EML1: variants seen among roughly 807,000 people sequenced by gnomAD.
The protein encoded by EML1 is EMAP like 1.
A neutral mutation model predicts 110.4 loss-of-function variants in EML1; 27 were observed. The ratio of observed to expected loss-of-function variants is 0.24; its 90% confidence interval spans 0.18 to 0.34. The LOEUF (loss-of-function observed/expected upper bound fraction) is 0.34. Ranked by LOEUF, EML1 falls within the 10% of genes least tolerant of loss-of-function variation. The pLI is 1.00. For missense variants in EML1, 741 were observed against 1,030.9 expected (o/e 0.72, Z 3.85); for synonymous variants, 344 against 385.8 (o/e 0.89, Z 1.27).
chr14:99,854,088 T>A (rs2058859933), intron 2 of EML1, among the ~76,000 whole-genome samples: 1 of 152,214 alleles, frequency 6.6e-6, no homozygotes, highest in African/African-American at 2.4e-5. Flanking sequence ...TGCCCAATGC[T>A]GGGCGTGGCT....
chr14:99,806,553 T>A (rs1291469013), intron 1 of EML1, among the ~76,000 whole-genome samples: 1 of 152,084 alleles, frequency 6.6e-6, no homozygotes, highest in Non-Finnish European at 1.5e-5. Flanking sequence ...CAACCTCAGG[T>A]GATCTGCCCA....
At chr14:99,744,020 C>T (rs1389315745) in intron 1 of EML1, among the ~76,000 whole-genome samples, 1 of 152,046 alleles carries the variant, frequency 6.6e-6, no homozygotes, top group Non-Finnish European at 1.5e-5. Flanking sequence ...ATATAGAAAC[C>T]AGTTGCTGAG....
intron 20 of EML1, among the ~76,000 whole-genome samples, chr14:99,938,490 C>T (rs2060514765): frequency 6.6e-6 from 1 of 152,246 alleles, no homozygotes; most frequent in Non-Finnish European, 1.5e-5. Flanking sequence ...ACCCAACGTG[C>T]ATCCAGCCCT....
chr14:99,803,076 A>G (rs918326112), intron 1 of EML1, among the ~76,000 whole-genome samples: 1 of 152,056 alleles, frequency 6.6e-6, no homozygotes, highest in African/African-American at 2.4e-5. Context: ...TCAGTCTCCC[A>G]TTAGATATAA....
At chr14:99,737,765 G>C (rs2056986046) in exon 1 of EML1, 1 of 1,285,016 alleles carries the variant, frequency 7.8e-7, no homozygotes, top group Non-Finnish European at 1.0e-6. Flanking sequence ...TGCTGGGTGG[G>C]TGACAGCCGC....
intron 1 of EML1, among the ~76,000 whole-genome samples, chr14:99,814,941 A>C (rs1356773761): frequency 6.6e-6 from 1 of 152,194 alleles, no homozygotes; most frequent in African/African-American, 2.4e-5. Context: ...CAGATAGAAC[A>C]GCTGAGCTCA....
upstream of EML1, among the ~76,000 whole-genome samples, chr14:99,770,438 C>A (rs575621758): frequency 6.8e-6 from 1 of 148,006 alleles, no homozygotes; most frequent in South Asian, 2.1e-4. Context: ...GAAGAGAGAT[C>A]ATGTCTTTTT....
Position 99,850,367 on chromosome 14 carries a change from G to C in EML1, c.68-486G>C, listed in dbSNP as rs1257961063. ...TATGATTACCATAATTGTAAGGGTA[G>C]CTTGCCAAACTCATATTGCTTTATC... On this transcript the variant is annotated intron_variant, in intron 1 of 21. Transcript: ENST00000262233. 3 of 1,288,562 alleles carry C rather than the reference G, an allele frequency of 2.3e-6. No homozygotes were observed. The African/African-American group carries it at 4.6e-5, about 20-fold the overall frequency. 79.8% of individuals were successfully genotyped at this position (1,288,562 alleles called of 1,614,324 possible).
At chr14:99,903,059 A>G (rs1172494827) in intron 9 of EML1, among the ~76,000 whole-genome samples, 2 of 152,260 alleles carry the variant, frequency 1.3e-5, no homozygotes, top group African/African-American at 4.8e-5. Context: ...ATACTCACAA[A>G]TAGTTTCTAA....
intron 3 of EML1, among the ~76,000 whole-genome samples, chr14:99,868,329 C>A (rs1392762960): frequency 6.6e-6 from 1 of 152,118 alleles, no homozygotes; most frequent in Admixed American, 6.6e-5. Flanking sequence ...TGGCCTCATG[C>A]AATGATTTGG....
intron 1 of EML1, among the ~76,000 whole-genome samples, chr14:99,815,196 C>T (rs561598133): frequency 3.0e-4 from 42 of 140,104 alleles, no homozygotes; most frequent in Non-Finnish European, 5.1e-4. Context: ...GGCTGGAGTG[C>T]AGTGGCGCGA....
chr14:99,739,115 A>G (rs1390232330), intron 1 of EML1, among the ~76,000 whole-genome samples: 1 of 85,638 alleles, frequency 1.2e-5, no homozygotes, highest in African/African-American at 4.2e-5. Flanking sequence ...AGAGAGAGAG[A>G]GAGAGTGTGT....
intron 1 of EML1, among the ~76,000 whole-genome samples, chr14:99,807,288 T>C (rs10144013): frequency 0.56 from 84,663 of 152,126 alleles, 24,433 homozygotes; most frequent in East Asian, 0.75. Context: ...TTGATTCTGC[T>C]GTTCAATGAA....
At chr14:99,814,849 C>T (rs2058140527) in intron 1 of EML1, among the ~76,000 whole-genome samples, 1 of 152,140 alleles carries the variant, frequency 6.6e-6, no homozygotes. Context: ...ACAGCGACCT[C>T]GTGCCAAGCA....
rs10149866 is a variant in EML1 at position 99,905,626 on chromosome 14, A to G, written c.1009-2012A>G. ...TTCCCCATGTCCCATGATCTTGTAC[A>G]TGCCTAATTCTGTCACCCTTAGCCA... On this transcript the variant is annotated intron_variant, in intron 9 of 21. Transcript: ENST00000262233. The surrounding 1 kb of genome is among the most constrained non-coding windows in gnomAD (Gnocchi z 4.1). Among the ~76,000 whole-genome samples, 44,719 of 152,100 alleles carry G rather than the reference A, an allele frequency of 0.29. 8,177 individuals are homozygous for G. Among genetic ancestry groups the G allele is most frequent in the African/African-American group, 0.5 (20,838 of 41,460 alleles).
chr14:99,749,967 G>A (rs574093071), intron 1 of EML1, among the ~76,000 whole-genome samples: 63 of 152,370 alleles, frequency 4.1e-4, no homozygotes, highest in African/African-American at 1.4e-3. Context: ...GCTTTGCCAA[G>A]CTTGTGTCTG....
intron 3 of EML1, among the ~76,000 whole-genome samples, chr14:99,875,917 T>C (rs1206344887): frequency 6.6e-6 from 1 of 152,218 alleles, no homozygotes; most frequent in Non-Finnish European, 1.5e-5. Flanking sequence ...ACCCTGCAGA[T>C]TGCAGTTGTA....
chr14:99,759,183 AG>A (rs2057288304), intron 1 of EML1, among the ~76,000 whole-genome samples: 1 of 152,148 alleles, frequency 6.6e-6, no homozygotes, highest in African/African-American at 2.4e-5. Context: ...AAGGAGAGGG[AG>A]GGGGCTCTGC....
At chr14:99,743,987 T>C (rs2057074824) in intron 1 of EML1, among the ~76,000 whole-genome samples, 1 of 152,236 alleles carries the variant, frequency 6.6e-6, no homozygotes, top group Non-Finnish European at 1.5e-5. Context: ...ATTTTTTTTC[T>C]TGAAATTCAC....
Sources: allele counts gnomAD v4.1 joint callset (sites outside exome capture counted in the v4.1 genomes callset), GRCh38; gene constraint gnomAD v4.1.1; non-coding constraint Gnocchi (gnomAD v3.1); transcripts MANE v1.5; gene names NCBI Gene and HGNC (gene_info 2026-07-23, HGNC 2026-07-21).